The following RAB3GAP1 variants were observed in gnomAD, a reference collection of about 807,000 sequenced individuals.
The protein encoded by RAB3GAP1 is rab3 GTPase-activating protein catalytic subunit.
RAB3GAP1 carries 86 observed loss-of-function variants against 130.7 expected under a neutral mutation model. That is an observed-to-expected ratio of 0.66 (90% CI 0.55 to 0.79). The LOEUF (loss-of-function observed/expected upper bound fraction) is 0.79, where lower values mean the gene tolerates loss of function less well. Among genes scored for constraint, RAB3GAP1 ranks in the 30% least tolerant of loss-of-function variants. The probability of loss-of-function intolerance (pLI) is 0.00; values close to 1 mark genes in which losing one functional copy is unlikely to be tolerated. For missense variants in RAB3GAP1, 1,029 were observed against 1,169.4 expected, an observed-to-expected ratio of 0.88 and a Z score of 1.75; for synonymous variants, 367 against 401.7, an observed-to-expected ratio of 0.91 and a Z score of 1.03.
At chr2:135,125,521 C>T (rs1691323386) in intron 9 of RAB3GAP1, among the ~76,000 whole-genome samples, 1 of 152,020 alleles carries the variant, frequency 6.6e-6, no homozygotes, top group Admixed American at 6.6e-5. Context: ...CTAATAATAA[C>T]ATAGAACAGC....
In RAB3GAP1 at chr2:135,059,169, A is replaced by G. The variant is rs184729591; in HGVS notation, c.150+1083A>G. The G allele has an allele frequency of 1.9e-3, 284 of 152,290 alleles. 3 individuals carry two copies. Among genetic ancestry groups the G allele is most frequent in the African/African-American group, 6.6e-3 (273 of 41,576 alleles). 9.4% of individuals were successfully genotyped at this position (152,290 alleles called of 1,614,324 possible). On this transcript the variant is annotated intron_variant, in intron 3 of 23. Transcript: ENST00000264158. ...TATATACATTGATTTACTACACTAC[A>G]TGTGTGAATAAAGAAAATGTGACGC...
rs1692586159 is a variant in RAB3GAP1 at position 135,164,814 on chromosome 2, G to A, written c.2709+118G>A. ...TCATGTCACCTGAGTGTAAGTCTGG[G>A]CATTGGGTTTGAACACTGAAGAAAC... On this transcript the variant is annotated intron_variant, in intron 23 of 23. Transcript: ENST00000264158. 1.8e-5 allele frequency: 14 copies of A among 773,726 alleles called. 1 individual carries two copies. In the South Asian group the frequency reaches 2.0e-4, roughly 11 times the overall value. 47.9% of individuals were successfully genotyped at this position (773,726 alleles called of 1,614,324 possible).
chr2:135,079,837 A>C (rs1475035754), intron 3 of RAB3GAP1, among the ~76,000 whole-genome samples: 5 of 152,212 alleles, frequency 3.3e-5, no homozygotes, highest in African/African-American at 1.2e-4. Context: ...TCTCATCTAT[A>C]AAATGAGGTT....
At chr2:135,170,756 T>TA (rs1339695735), downstream of RAB3GAP1, 1 of 152,172 alleles carries the variant, frequency 6.6e-6, no homozygotes, top group Non-Finnish European at 1.5e-5. Flanking sequence ...TCAGGAAAAT[T>TA]ACCCCAGAGG....
At chr2:135,131,335 C>G (rs1193455506) in intron 13 of RAB3GAP1, among the ~76,000 whole-genome samples, 1 of 152,176 alleles carries the variant, frequency 6.6e-6, no homozygotes, top group African/African-American at 2.4e-5. Context: ...AAGCAATTCT[C>G]CTGCCTCAGC....
intron 14 of RAB3GAP1, among the ~76,000 whole-genome samples, chr2:135,133,632 T>C (rs887939846): frequency 1.3e-5 from 2 of 152,168 alleles, no homozygotes; most frequent in Non-Finnish European, 2.9e-5. Flanking sequence ...AGCTGTAACT[T>C]TAGCTTCATT....
intron 7 of RAB3GAP1, among the ~76,000 whole-genome samples, chr2:135,119,271 G>A (rs536421188): frequency 1.3e-5 from 2 of 152,088 alleles, no homozygotes; most frequent in African/African-American, 2.4e-5. Flanking sequence ...ACTACTGCCC[G>A]GCTAATTTTT....
intron 23 of RAB3GAP1, 99 bp from the exon 24 acceptor site, chr2:135,168,446 C>A: frequency 1.0e-6 from 1 of 994,060 alleles, no homozygotes; most frequent in Non-Finnish European, 1.6e-6. Context: ...TAACGTGGGA[C>A]ATTTTCATAT....
At chr2:135,116,023 G>C (rs536132478) in intron 7 of RAB3GAP1, among the ~76,000 whole-genome samples, 1 of 152,262 alleles carries the variant, frequency 6.6e-6, no homozygotes, top group South Asian at 2.1e-4. Flanking sequence ...GAGAAAGCTA[G>C]ATAACCAATA....
intron 17 of RAB3GAP1, among the ~76,000 whole-genome samples, chr2:135,141,228 CTTTT>C (rs1553447802): frequency 7.6e-6 from 1 of 132,446 alleles, no homozygotes. Context: ...TCACTTACTT[CTTTT>C]TTTTTTTTTT....
At chr2:135,091,512 G>A (rs1475186719) in intron 4 of RAB3GAP1, among the ~76,000 whole-genome samples, 2 of 152,128 alleles carry the variant, frequency 1.3e-5, no homozygotes, top group African/African-American at 4.8e-5. Context: ...GGAGAATTAA[G>A]CAAGTAAGTT....
intron 5 of RAB3GAP1, among the ~76,000 whole-genome samples, chr2:135,104,269 A>C (rs2104896073): frequency 6.6e-6 from 1 of 152,334 alleles, no homozygotes; most frequent in South Asian, 2.1e-4. Flanking sequence ...AAATTGAAAA[A>C]GCTAACAACC....
At chr2:135,105,492 T>C (rs561202390) in intron 5 of RAB3GAP1, among the ~76,000 whole-genome samples, 192 of 152,134 alleles carry the variant, frequency 1.3e-3, no homozygotes, top group Non-Finnish European at 2.1e-3. Context: ...CCTCGGCCTC[T>C]GGAGGTGCCG....
At chr2:135,068,579 C>G (rs1204711142) in intron 3 of RAB3GAP1, among the ~76,000 whole-genome samples, 1 of 152,032 alleles carries the variant, frequency 6.6e-6, no homozygotes, top group African/African-American at 2.4e-5. Context: ...ATGGTGAAAC[C>G]CTGTCTCTAC....
intron 5 of RAB3GAP1, among the ~76,000 whole-genome samples, chr2:135,097,999 A>G (rs544337164): frequency 3.9e-5 from 6 of 152,342 alleles, no homozygotes; most frequent in African/African-American, 1.4e-4. Flanking sequence ...CCCACCAACA[A>G]TGTATGAAAA....
intron 3 of RAB3GAP1, among the ~76,000 whole-genome samples, chr2:135,076,112 A>G (rs938857222): frequency 1.3e-5 from 2 of 151,900 alleles, no homozygotes; most frequent in African/African-American, 2.4e-5. Flanking sequence ...GGGTTTCACA[A>G]TGTTAGCTAG....
At chr2:135,081,306 C>CAAAA (rs1169138978) in intron 3 of RAB3GAP1, among the ~76,000 whole-genome samples, 137 of 13,174 alleles carry the variant, frequency 0.01, 6 homozygotes, top group Non-Finnish European at 0.013. Context: ...GACTCCGTCT[C>CAAAA]AAAAAAAAAA....
chr2:135,172,184 C>T (rs1019289652), downstream of RAB3GAP1, among the ~76,000 whole-genome samples: 1 of 151,998 alleles, frequency 6.6e-6, no homozygotes, highest in Non-Finnish European at 1.5e-5. Context: ...AATCCCAGCA[C>T]TTTGGGAGGC....
chr2:135,067,248 A>G (rs1689347846), intron 3 of RAB3GAP1, among the ~76,000 whole-genome samples: 1 of 152,214 alleles, frequency 6.6e-6, no homozygotes, highest in Non-Finnish European at 1.5e-5. Context: ...TGGAAACTAA[A>G]GAAGGTTGAG....
Sources: allele counts gnomAD v4.1 joint callset (sites outside exome capture counted in the v4.1 genomes callset), GRCh38; gene constraint gnomAD v4.1.1; transcripts MANE v1.5; gene names NCBI Gene and HGNC (gene_info 2026-07-23, HGNC 2026-07-21).